PTPRM: variants seen among roughly 807,000 people sequenced by gnomAD.
The protein encoded by PTPRM is receptor-type tyrosine-protein phosphatase mu.
Under a neutral mutation model 186.7 loss-of-function variants are expected in PTPRM, and 47 were observed. The ratio of observed to expected loss-of-function variants is 0.25; its 90% confidence interval spans 0.20 to 0.32. The LOEUF (loss-of-function observed/expected upper bound fraction) is 0.32, where lower values mean the gene tolerates loss of function less well. PTPRM is among the 10% of genes least tolerant of loss of function. The pLI, the probability that PTPRM is intolerant of heterozygous loss-of-function variation, is 1.00. For synonymous variants in PTPRM, 668 were observed against 674.9 expected, an observed-to-expected ratio of 0.99 and a Z score of 0.16; for missense variants, 1,494 against 1,865.0, an observed-to-expected ratio of 0.80 and a Z score of 3.66.
intron 20 of PTPRM, among the ~76,000 whole-genome samples, chr18:8,298,922 T>C (rs1390026060): frequency 2.0e-5 from 3 of 152,160 alleles, no homozygotes; most frequent in Non-Finnish European, 4.4e-5. Flanking sequence ...GAGACCAGCC[T>C]TGGCAACAAA....
chr18:7,762,552 C>CT (rs2041827334), intron 1 of PTPRM, among the ~76,000 whole-genome samples: 1 of 152,028 alleles, frequency 6.6e-6, no homozygotes, highest in Non-Finnish European at 1.5e-5. Flanking sequence ...ATCCGATGGA[C>CT]AATAAAGGGC....
intron 2 of PTPRM, among the ~76,000 whole-genome samples, chr18:7,873,466 C>G (rs998883912): frequency 1.3e-5 from 2 of 152,118 alleles, no homozygotes; most frequent in East Asian, 1.9e-4. Flanking sequence ...TTTAAACCCT[C>G]CTGGTTATAA....
intron 1 of PTPRM, among the ~76,000 whole-genome samples, chr18:7,657,432 C>T (rs888285762): frequency 2.0e-5 from 3 of 152,202 alleles, no homozygotes; most frequent in African/African-American, 7.2e-5. Flanking sequence ...ACACACCTTG[C>T]CCGAGCAGTT....
intron 1 of PTPRM, among the ~76,000 whole-genome samples, chr18:7,648,496 A>G (rs1014121591): frequency 3.3e-5 from 5 of 152,214 alleles, no homozygotes; most frequent in Admixed American, 2.0e-4. Flanking sequence ...GTGCCAGTTA[A>G]CCCAACTGTG....
intron 14 of PTPRM, among the ~76,000 whole-genome samples, chr18:8,217,988 G>A (rs1467688356): frequency 1.3e-5 from 2 of 152,186 alleles, no homozygotes; most frequent in East Asian, 3.9e-4. Flanking sequence ...AAATTGGTGT[G>A]CTGTTACCCT....
In PTPRM at chr18:8,352,828, G is replaced by A. The variant is rs183739611; in HGVS notation, c.3054+9308G>A. 3.2e-3 allele frequency among the ~76,000 whole-genome samples: 489 copies of A among 151,806 alleles called. 2 individuals are homozygous for A. The highest frequency in any genetic ancestry group is 0.011 in the African/African-American group (452 of 41,394). The stretch of plus-strand genomic sequence containing the variant: ...TGGGATTACAGGCACCCACCACTAC[G>A]CCTGGCTAACTTTTTGTATTTTTAA... On this transcript the variant is annotated intron_variant, in intron 23 of 32. Transcript: ENST00000580170.
intron 2 of PTPRM, among the ~76,000 whole-genome samples, chr18:7,795,680 A>G (rs1295734321): frequency 2.6e-5 from 4 of 152,068 alleles, no homozygotes; most frequent in South Asian, 2.1e-4. Context: ...GGCAAAATCT[A>G]TGAAACCATC....
chr18:7,949,458 C>T (rs1198757819), intron 6 of PTPRM, 103 bp downstream of exon 6: 2 of 986,516 alleles, frequency 2.0e-6, no homozygotes, highest in Non-Finnish European at 2.8e-6. Context: ...TTGTCTGTTT[C>T]TGAGCAGTGG....
At chr18:8,303,758 G>A (rs1444533240) in intron 20 of PTPRM, among the ~76,000 whole-genome samples, 4 of 152,086 alleles carry the variant, frequency 2.6e-5, no homozygotes, top group Admixed American at 6.5e-5. Context: ...CACCATCATC[G>A]AACTCAAACT....
In PTPRM at chr18:8,387,568, G is replaced by A. The variant is rs986942002; in HGVS notation, c.4208+333G>A. On this transcript the variant is annotated intron_variant, in intron 31 of 32. Transcript: ENST00000580170. ...AAGTTTTCAGGAATTTTCTGAGCTG[G>A]GTCTTCAACTGTTGGTAACTTGAAT... Among the ~76,000 whole-genome samples, 10 of 151,540 alleles carry A rather than the reference G, an allele frequency of 6.6e-5. No homozygotes were observed. The South Asian group carries it at 2.1e-3, about 31-fold the overall frequency.
At chr18:8,058,100 T>A (rs1209380939) in intron 7 of PTPRM, among the ~76,000 whole-genome samples, 1 of 127,448 alleles carries the variant, frequency 7.8e-6, no homozygotes, top group Non-Finnish European at 1.6e-5. Flanking sequence ...TTTCTCCACA[T>A]CCTCTCCAGC....
intron 1 of PTPRM, among the ~76,000 whole-genome samples, chr18:7,772,484 TC>T (rs2042373522): frequency 6.9e-6 from 1 of 145,684 alleles, no homozygotes; most frequent in East Asian, 2.0e-4. Context: ...CTTCCTTCCT[TC>T]CTTCCTTCCT....
intron 2 of PTPRM, among the ~76,000 whole-genome samples, chr18:7,797,538 G>T (rs653973): frequency 0.56 from 85,546 of 152,048 alleles, 24,676 homozygotes; most frequent in East Asian, 0.91. Context: ...ATGTTGAAAA[G>T]AGATAATTTT....
At chr18:8,346,837 G>A (rs1430008911) in intron 23 of PTPRM, among the ~76,000 whole-genome samples, 1 of 150,930 alleles carries the variant, frequency 6.6e-6, no homozygotes, top group East Asian at 1.9e-4. Context: ...CCACTGGAAA[G>A]CAAGTTCCTT....
chr18:7,859,219 T>C (rs2047230477), intron 2 of PTPRM, among the ~76,000 whole-genome samples: 1 of 152,188 alleles, frequency 6.6e-6, no homozygotes, highest in African/African-American at 2.4e-5. Flanking sequence ...ATATGATAAA[T>C]ATGTATTATG....
intron 11 of PTPRM, among the ~76,000 whole-genome samples, chr18:8,095,129 G>C (rs184795711): frequency 3.9e-5 from 6 of 152,116 alleles, no homozygotes; most frequent in Non-Finnish European, 8.8e-5. Flanking sequence ...TTCTCCAGGG[G>C]CTGGCAATGT....
At chr18:7,757,428 A>G (rs1242189516) in intron 1 of PTPRM, among the ~76,000 whole-genome samples, 1 of 152,200 alleles carries the variant, frequency 6.6e-6, no homozygotes, top group Non-Finnish European at 1.5e-5. Flanking sequence ...AGTGTTCTCT[A>G]AGGTCAGCTT....
At chr18:7,661,491 A>G (rs779415303) in intron 1 of PTPRM, among the ~76,000 whole-genome samples, 1 of 152,224 alleles carries the variant, frequency 6.6e-6, no homozygotes, top group Non-Finnish European at 1.5e-5. Context: ...GTGACAATGA[A>G]TGTGCCAAGA....
rs549706334 is a variant in PTPRM at position 7,836,994 on chromosome 18, A to G, written c.197-51112A>G. Among the ~76,000 whole-genome samples the G allele has an allele frequency of 2.0e-3, 310 of 152,196 alleles. 2 individuals carry two copies. Among genetic ancestry groups the G allele is most frequent in the Non-Finnish European group, 3.6e-3 (242 of 67,982 alleles). On this transcript the variant is annotated intron_variant, in intron 2 of 32. Transcript: ENST00000580170. ...TTGGGTTAAATCTGCTTTTTGTTCT[A>G]TAGCCTTCTTGTTCTTGGATAGTGA...
Sources: gnomAD v4.1 joint callset for allele counts (sites outside exome capture counted in the v4.1 genomes callset) on GRCh38, gnomAD v4.1.1 for gene constraint, MANE v1.5 for transcripts, NCBI Gene and HGNC (gene_info 2026-07-23, HGNC 2026-07-21) for gene names.